The following DHRSX variants were observed in gnomAD, a reference collection of about 807,000 sequenced individuals.
DHRSX encodes dehydrogenase/reductase X-linked, also known as polyprenol dehydrogenase.
A neutral mutation model predicts 34.0 loss-of-function variants in DHRSX; 31 were observed. The observed-to-expected ratio is 0.91, with a 90% CI of 0.69 to 1.23. The LOEUF is 1.23. Among genes scored for constraint, DHRSX ranks in the 50% most tolerant of loss-of-function variants. The pLI, the probability that DHRSX is intolerant of heterozygous loss-of-function variation, is 0.00. For synonymous variants in DHRSX, 201 were observed against 183.8 expected (o/e 1.09, Z -0.76); for missense variants, 414 against 428.1 (o/e 0.97, Z 0.29).
chrX:2,302,682 G>A (rs955084892), intron 3 of DHRSX, among the ~76,000 whole-genome samples: 1 of 151,946 alleles, frequency 6.6e-6, no homozygotes, highest in African/African-American at 2.4e-5. Flanking sequence ...TGAATCAGAC[G>A]GCTGCCACTC....
intron 1 of DHRSX, among the ~76,000 whole-genome samples, chrX:2,470,936 A>G (rs185232197): frequency 6.6e-6 from 1 of 152,222 alleles, no homozygotes; most frequent in Admixed American, 6.5e-5. Context: ...TATGTTAATT[A>G]GCTTCAATGT....
intron 3 of DHRSX, among the ~76,000 whole-genome samples, chrX:2,384,261 C>T (rs1046466934): frequency 1.3e-5 from 2 of 152,172 alleles, no homozygotes; most frequent in African/African-American, 4.8e-5. Flanking sequence ...CACTGACTTA[C>T]ACAGAGAGAA....
intron 3 of DHRSX, among the ~76,000 whole-genome samples, chrX:2,330,254 G>A (rs890270874): frequency 2.0e-5 from 3 of 151,668 alleles, no homozygotes; most frequent in Non-Finnish European, 4.4e-5. Context: ...CAGGTGCGGT[G>A]TCTCATGCCT....
intron 1 of DHRSX, among the ~76,000 whole-genome samples, chrX:2,481,021 A>C (rs2044760832): frequency 6.6e-6 from 1 of 152,138 alleles, no homozygotes; most frequent in Admixed American, 6.6e-5. Flanking sequence ...TGAATATGTT[A>C]ATTAGCTTGT....
chrX:2,482,599 C>A (rs931883607), intron 1 of DHRSX, among the ~76,000 whole-genome samples: 2 of 152,112 alleles, frequency 1.3e-5, no homozygotes, highest in Admixed American at 6.6e-5. Flanking sequence ...CTTTATTATT[C>A]TTTGCATTTC....
rs185149620 is a variant in DHRSX, at chrX:2,271,761, C to T, written c.389-4814G>A. ...TCAGGAGTTATCCAGAAAAAAAGCCCGGCCCGGTGGGTCATGCCTGTAATC... is the reference window on the plus strand; with the variant it reads ...TCAGGAGTTATCCAGAAAAAAAGCCTGGCCCGGTGGGTCATGCCTGTAATC... On this transcript the variant is annotated intron_variant, in intron 4 of 6. Transcript: ENST00000334651. Among the ~76,000 whole-genome samples the T allele has an allele frequency of 5.8e-3, 888 of 152,144 alleles. 20 individuals carry two copies. Among genetic ancestry groups the T allele is most frequent in the East Asian group, 3.9e-3 (20 of 5,188 alleles).
At chrX:2,477,454 T>G (rs1392092207) in intron 1 of DHRSX, among the ~76,000 whole-genome samples, 3 of 152,142 alleles carry the variant, frequency 2.0e-5, no homozygotes, top group African/African-American at 7.2e-5. Context: ...ACAGGAATAT[T>G]GTAACAGGGA....
intron 1 of DHRSX, among the ~76,000 whole-genome samples, chrX:2,459,453 G>A (rs2044366410): frequency 6.7e-6 from 1 of 150,284 alleles, no homozygotes; most frequent in Non-Finnish European, 1.5e-5. Context: ...TTGCTAATAT[G>A]GTAACTAGCT....
chrX:2,385,110 A>ATGTGTGTGTGTGTGTGTGTGTG (rs934167358), intron 3 of DHRSX, among the ~76,000 whole-genome samples: 6 of 146,608 alleles, frequency 4.1e-5, no homozygotes, highest in African/African-American at 7.7e-5. Flanking sequence ...TCAAATATAT[A>ATGTGTGTGTGTGTGTGTGTGTG]TGTGTGTGTG....
At position 2,457,980 on chromosome X, in the gene DHRSX, C is replaced by G. The variant is rs757719738; in HGVS notation, c.110-32676G>C. Among the ~76,000 whole-genome samples, 9 of 149,104 alleles carry G rather than the reference C, an allele frequency of 6.0e-5. No individual in the cohort carries two copies. The East Asian group carries it at 1.8e-3, about 30-fold the overall frequency. On this transcript the variant is annotated intron_variant, in intron 1 of 6. Coordinates refer to ENST00000334651, the MANE Select transcript of DHRSX (RefSeq NM_145177.3). ...TTCCCTAAGCTTGTGGCTAAGGGACCACCGCAGTGTGCACACTGAAGACGT... is the reference window on the plus strand; with the variant it reads ...TTCCCTAAGCTTGTGGCTAAGGGACGACCGCAGTGTGCACACTGAAGACGT...
intron 1 of DHRSX, among the ~76,000 whole-genome samples, chrX:2,498,384 C>T (rs1001389540): frequency 6.6e-6 from 1 of 152,128 alleles, no homozygotes. Flanking sequence ...TAAAAAATGC[C>T]GTTTAGGAAG....
chrX:2,446,625 G>A (rs1470936117), intron 1 of DHRSX, among the ~76,000 whole-genome samples: 2 of 150,924 alleles, frequency 1.3e-5, no homozygotes, highest in African/African-American at 4.9e-5. Flanking sequence ...CCCTAAGCAT[G>A]GGCTAAGGGA....
chrX:2,360,724 G>A (rs1293232045), intron 3 of DHRSX, among the ~76,000 whole-genome samples: 2 of 151,994 alleles, frequency 1.3e-5, no homozygotes, highest in Non-Finnish European at 2.9e-5. Flanking sequence ...CCTTGCCTTT[G>A]TCACTCACTG....
In DHRSX at chrX:2,284,045, C is replaced by T. The variant is rs758928794; in HGVS notation, c.388+7457G>A. Among the ~76,000 whole-genome samples, 12 of 152,108 alleles carry T rather than the reference C, an allele frequency of 7.9e-5. No homozygotes were observed. The South Asian group carries it at 1.0e-3, about 13-fold the overall frequency. On this transcript the variant is annotated intron_variant, in intron 4 of 6. Transcript: ENST00000334651. ...ATTTATTCATTCCTTTGAATTCATT[C>T]GTTCCTTTGACTTCATTTGTTCATT...
intron 3 of DHRSX, among the ~76,000 whole-genome samples, chrX:2,389,299 G>A (rs142961715): frequency 1.3e-5 from 2 of 152,150 alleles, no homozygotes; most frequent in Non-Finnish European, 2.9e-5. Context: ...AGAGGGAAAG[G>A]CTGGGCCAGA....
intron 1 of DHRSX, among the ~76,000 whole-genome samples, chrX:2,430,883 G>A (rs2043910409): frequency 6.6e-6 from 1 of 152,052 alleles, no homozygotes; most frequent in African/African-American, 2.4e-5. Flanking sequence ...AAATTAGCCA[G>A]GCATGGTGGC....
chrX:2,415,299 C>A (rs182149134), intron 2 of DHRSX, among the ~76,000 whole-genome samples: 1 of 151,584 alleles, frequency 6.6e-6, no homozygotes. Context: ...TTATGACCAC[C>A]GCATCTGGAC....
intron 3 of DHRSX, among the ~76,000 whole-genome samples, chrX:2,303,376 C>T (rs747844154): frequency 1.3e-5 from 2 of 152,134 alleles, no homozygotes; most frequent in East Asian, 3.9e-4. Flanking sequence ...TTAGCGCCAT[C>T]CCCTTGGTGA....
Position 2,220,913 on chromosome X carries a change from A to C in DHRSX, c.*128T>G, listed in dbSNP as rs2015505096. ...TGCAGAGGTTGAGGCAGCTGTCTCA[A>C]AACTAGAGGACAGAGCCCTGTGGGC... is the stretch of plus-strand genomic sequence containing the variant. On this transcript the variant is annotated 3_prime_UTR_variant, in exon 7 of 7. Transcript: ENST00000334651. The C allele has an allele frequency of 1.2e-6, 1 of 841,262 alleles. No individual in the cohort carries two copies. The allele number at this position is 841,262 out of a possible 1,614,324, so 52.1% of individuals were successfully genotyped here.
Sources: gnomAD v4.1 joint callset for allele counts (sites outside exome capture counted in the v4.1 genomes callset) on GRCh38, gnomAD v4.1.1 for gene constraint, MANE v1.5 for transcripts, NCBI Gene and HGNC (gene_info 2026-07-23, HGNC 2026-07-21) for gene names.